NBAS: variants seen among roughly 807,000 people sequenced by gnomAD.
The protein encoded by NBAS is NBAS subunit of NRZ tethering complex, also known as NAG/BC035112 fusion.
Under a neutral mutation model 302.5 loss-of-function variants are expected in NBAS, and 219 were observed. The observed-to-expected ratio is 0.72, with a 90% CI of 0.65 to 0.81. The LOEUF is 0.81. Among genes scored for constraint, NBAS ranks in the 30% least tolerant of loss-of-function variants. The pLI is 0.00. For synonymous variants in NBAS, 1,118 were observed against 1,021.6 expected (o/e 1.09, Z -1.80); for missense variants, 2,932 against 2,841.6 (o/e 1.03, Z -0.72).
the NBAS span, among the ~76,000 whole-genome samples, chr2:15,103,274 T>C: frequency 6.6e-6 from 1 of 152,156 alleles, no homozygotes; most frequent in Admixed American, 6.5e-5. Flanking sequence ...AGAAAAGCTC[T>C]GAAAATCTTT....
intron 24 of NBAS, 78 bp from the exon 25 acceptor site, chr2:15,415,797 C>G: frequency 6.7e-7 from 1 of 1,487,216 alleles, no homozygotes; most frequent in Non-Finnish European, 9.4e-7. Context: ...ACAGCGAGTT[C>G]TAAAGCTTAC....
the NBAS span, among the ~76,000 whole-genome samples, chr2:15,021,208 G>A: frequency 6.6e-6 from 1 of 152,016 alleles, no homozygotes; most frequent in Non-Finnish European, 1.5e-5. Flanking sequence ...ACCCCAGCCT[G>A]GGTGACAGAC....
chr2:15,218,145 C>T (rs12622024), intron 48 of NBAS, among the ~76,000 whole-genome samples: 4,110 of 152,238 alleles, frequency 0.027, 121 homozygotes, highest in East Asian at 0.13. Context: ...TATTTCTATT[C>T]ACACCTGCAT....
the NBAS span, among the ~76,000 whole-genome samples, chr2:14,803,791 A>G: frequency 6.6e-6 from 1 of 152,128 alleles, no homozygotes; most frequent in African/African-American, 2.4e-5. Flanking sequence ...CTGGGACTAC[A>G]GGCACGTGCC....
the NBAS span, among the ~76,000 whole-genome samples, chr2:14,977,681 T>C: frequency 1.3e-5 from 2 of 152,208 alleles, no homozygotes; most frequent in African/African-American, 4.8e-5. Flanking sequence ...GTCCAAGGTA[T>C]GGTGGCACCT....
chr2:14,999,454 G>A, the NBAS span, among the ~76,000 whole-genome samples: 1 of 152,138 alleles, frequency 6.6e-6, no homozygotes, highest in African/African-American at 2.4e-5. Flanking sequence ...GGCCTGGTGG[G>A]AGGTGATTGC....
At chr2:15,170,857 T>A (rs1459023112) in intron 51 of NBAS, among the ~76,000 whole-genome samples, 1 of 152,186 alleles carries the variant, frequency 6.6e-6, no homozygotes, top group African/African-American at 2.4e-5. Flanking sequence ...ACAGCCAAGA[T>A]GTTCCTTTCT....
At chr2:14,939,316 G>A in the NBAS span, among the ~76,000 whole-genome samples, 1 of 152,212 alleles carries the variant, frequency 6.6e-6, no homozygotes, top group African/African-American at 2.4e-5. Context: ...TCTACTGCCT[G>A]TTTTATCACT....
intron 9 of NBAS, among the ~76,000 whole-genome samples, chr2:15,532,846 A>C (rs1663288487): frequency 6.6e-6 from 1 of 152,110 alleles, no homozygotes; most frequent in African/African-American, 2.4e-5. Flanking sequence ...AAAATTTTTA[A>C]GAAAAGTCAC....
At chr2:15,006,480 T>A in the NBAS span, among the ~76,000 whole-genome samples, 1 of 152,134 alleles carries the variant, frequency 6.6e-6, no homozygotes, top group East Asian at 1.9e-4. Flanking sequence ...TACTAAATAA[T>A]AACTGAAAAA....
chr2:15,441,408 G>A (rs1258053857), intron 21 of NBAS, among the ~76,000 whole-genome samples: 1 of 151,948 alleles, frequency 6.6e-6, no homozygotes, highest in Non-Finnish European at 1.5e-5. Flanking sequence ...GCCAAACTAA[G>A]CTTCATAAGT....
chr2:15,247,704 C>A (rs367850103), intron 44 of NBAS, among the ~76,000 whole-genome samples: 13 of 37,470 alleles, frequency 3.5e-4, no homozygotes, highest in East Asian at 3.9e-3. Context: ...ATATATCTCT[C>A]TATATATATC....
At chr2:15,227,898 C>A (rs2147913808) in intron 47 of NBAS, among the ~76,000 whole-genome samples, 1 of 152,088 alleles carries the variant, frequency 6.6e-6, no homozygotes, top group Admixed American at 6.5e-5. Flanking sequence ...GAAGAAAACA[C>A]AAGACAAAAG....
the NBAS span, among the ~76,000 whole-genome samples, chr2:14,905,731 C>A: frequency 6.6e-6 from 1 of 152,178 alleles, no homozygotes; most frequent in African/African-American, 2.4e-5. Flanking sequence ...GCAGGCCACA[C>A]GTGACCCATG....
chr2:15,309,218 G>T lies in NBAS; in HGVS notation c.4612C>A (p.Pro1538Thr). ...VLLQLASEAL[P>T]NDMTLALAYL... Reference sequence around the variant, plus strand: ...GCAAGAGCCAAGGTCATGTCATTTGGCAAGGCTTCACTTGCTAGTTGCAAG... The same window carrying T: ...GCAAGAGCCAAGGTCATGTCATTTGTCAAGGCTTCACTTGCTAGTTGCAAG... Residue 1538 changes from proline (P) to threonine (T), a missense_variant, in exon 39 of 52, where the codon CCA becomes ACA. Pro to Thr is a conservative substitution (Grantham distance 38). Coordinates refer to ENST00000281513, the MANE Select transcript of NBAS (RefSeq NM_015909.4). 1 of 1,612,218 alleles carries T rather than the reference G, an allele frequency of 6.2e-7. No homozygotes were observed. The highest frequency in any genetic ancestry group is 8.5e-7 in the Non-Finnish European group (1 of 1,178,882).
intron 32 of NBAS, among the ~76,000 whole-genome samples, chr2:15,358,140 G>A (rs1049254707): frequency 5.9e-5 from 9 of 151,986 alleles, no homozygotes; most frequent in Admixed American, 1.3e-4. Flanking sequence ...AAATAACACC[G>A]ACCTGCATAC....
At chr2:15,117,769 G>A in the NBAS span, among the ~76,000 whole-genome samples, 7 of 152,136 alleles carry the variant, frequency 4.6e-5, no homozygotes, top group Non-Finnish European at 8.8e-5. Flanking sequence ...TGTGGGAAAC[G>A]CTGCACTGGG....
chr2:15,534,667 G>A, intron 8 of NBAS, 26 bp from the exon 9 acceptor site: 2 of 1,497,478 alleles, frequency 1.3e-6, no homozygotes, highest in African/African-American at 2.7e-5. Flanking sequence ...TATGAAAGAA[G>A]TAAATACCAT....
chr2:15,225,412 G>T (rs190147626), intron 47 of NBAS, among the ~76,000 whole-genome samples: 24 of 152,224 alleles, frequency 1.6e-4, no homozygotes, highest in Non-Finnish European at 2.6e-4. Context: ...TGCACTGCAG[G>T]TGCTCAGAGA....
Sources: gnomAD v4.1 joint callset for allele counts (sites outside exome capture counted in the v4.1 genomes callset) on GRCh38, gnomAD v4.1.1 for gene constraint, MANE v1.5 for transcripts, NCBI Gene and HGNC (gene_info 2026-07-23, HGNC 2026-07-21) for gene names.